NUDT11: variants seen among roughly 807,000 people sequenced by gnomAD.
The protein encoded by NUDT11 is nudix hydrolase 11.
NUDT11 carries 1 observed loss-of-function variant against 10.0 expected under a neutral mutation model. The ratio of observed to expected loss-of-function variants is 0.10; its 90% CI spans 0.04 to 0.47. NUDT11 has a LOEUF of 0.47. Ranked by LOEUF, NUDT11 falls within the 20% of genes least tolerant of loss-of-function variation. NUDT11 has a pLI of 0.96. For missense variants in NUDT11, 47 were observed against 140.4 expected (o/e 0.33, Z 3.36); for synonymous variants, 63 against 65.9 (o/e 0.96, Z 0.21).
At chrX:51,493,300 C>G (rs1458997453) in intron 1 of NUDT11, among the ~76,000 whole-genome samples, 1 of 112,186 alleles carries the variant, frequency 8.9e-6, no homozygotes, top group Admixed American at 9.5e-5. Flanking sequence ...TCTGTGTACT[C>G]TTTTTCCTTT....
chrX:51,495,338 A>T (rs1349407767), intron 1 of NUDT11, among the ~76,000 whole-genome samples: 8 of 111,823 alleles, frequency 7.2e-5, no homozygotes, highest in African/African-American at 1.3e-4. Context: ...CCCAATTTTT[A>T]AAAAAATTCA....
chrX:51,494,406 G>A (rs1362856453), intron 1 of NUDT11, among the ~76,000 whole-genome samples: 1 of 111,977 alleles, frequency 8.9e-6, no homozygotes, highest in Non-Finnish European at 1.9e-5. Flanking sequence ...AATATTTTGA[G>A]AAACAGATTT....
Position 51,496,004 on chromosome X carries a change from A to C in NUDT11, c.441T>G (p.Gly147=), listed in dbSNP as rs1925698591. ...CCATGGAGTTTCCATTGGTTGGGGA[A>C]CCGCCCAGCTTTAGTTTCTCCAGAT... ...AEYLEKLKLG[G]SPTNGNSMAP... is the part of the protein sequence containing the mutation. Residue 147 remains glycine, a synonymous_variant, in exon 1 of 2, where the codon GGT becomes GGG. Transcript: ENST00000375992. 1 of 1,207,573 alleles carries C rather than the reference A, an allele frequency of 8.3e-7. No individual in the cohort carries two copies. The highest frequency in any genetic ancestry group is 1.1e-6 in the Non-Finnish European group (1 of 892,732).
chrX:51,491,401 T>C lies in NUDT11; in HGVS notation c.*348A>G. 5.0e-6 allele frequency: 1 copy of C among 201,841 alleles called. No homozygotes were observed. The highest frequency in any genetic ancestry group is 9.1e-6 in the Non-Finnish European group (1 of 110,417). 16.6% of individuals were successfully genotyped at this position (201,841 alleles called of 1,213,427 possible). A position where few individuals can be genotyped will look rare whatever the true frequency, so the allele number is the denominator to read the frequency against. On this transcript the variant is annotated 3_prime_UTR_variant, in exon 2 of 2. Coordinates refer to ENST00000375992, the MANE Select transcript of NUDT11 (RefSeq NM_018159.4). Reference sequence around the variant, plus strand: ...AATTGAATCAAAGAACCTTCAGTGATGCCAACCATATTTCAAGTAGTGTCT... The same window carrying C: ...AATTGAATCAAAGAACCTTCAGTGACGCCAACCATATTTCAAGTAGTGTCT...
chrX:51,491,448 G>A lies in NUDT11; in HGVS notation c.*301C>T. The A allele has an allele frequency of 3.7e-6, 1 of 273,740 alleles. No homozygotes were observed. 22.6% of individuals were successfully genotyped at this position (273,740 alleles called of 1,213,427 possible). On this transcript the variant is annotated 3_prime_UTR_variant, in exon 2 of 2. Transcript: ENST00000375992. ...GTCTCAGATGCAGAATATGCAAAGA[G>A]TAAGGAAAAATAGTCTTTGCTCTCA...
rs1557326092 is a variant in NUDT11 at position 51,490,526 on chromosome X, G to A, written c.*1223C>T. 2.7e-5 allele frequency: 3 copies of A among 112,046 alleles called. No individual in the cohort carries two copies. The highest frequency in any genetic ancestry group is 9.5e-5 in the Admixed American group (1 of 10,564). The allele number at this position is 112,046 out of a possible 1,213,427, so 9.2% of individuals were successfully genotyped here. ...TATCACACATCCCATGGCAAACTCC[G>A]TAAGATTTCTTCTAAACATCTTTGT... is the stretch of plus-strand genomic sequence containing the variant. On this transcript the variant is annotated 3_prime_UTR_variant, in exon 2 of 2. Coordinates refer to ENST00000375992, the MANE Select transcript of NUDT11 (RefSeq NM_018159.4).
Position 51,496,400 on chromosome X carries a change from C to T in NUDT11, c.45G>A (p.Gly15=), listed in dbSNP as rs782145345. ...PNQTRTYDPE[G]FKKRAACLCF... is the part of the protein sequence containing the mutation. ...ACAGGCACGCCGCCCGCTTCTTGAA[C>T]CCCTCGGGGTCGTAGGTCCGCGTCT... The change falls in exon 1 of 2, where the codon GGG becomes GGA. Residue 15 remains glycine (G), a synonymous_variant. Coordinates refer to ENST00000375992, the MANE Select transcript of NUDT11 (RefSeq NM_018159.4). The T allele has an allele frequency of 3.3e-6, 4 of 1,209,816 alleles. No individual in the cohort carries two copies. In the South Asian group the frequency reaches 7.1e-5, roughly 21 times the overall value.
chrX:51,495,290 G>C (rs1925675187), intron 1 of NUDT11, among the ~76,000 whole-genome samples: 1 of 111,800 alleles, frequency 8.9e-6, no homozygotes, highest in Non-Finnish European at 1.9e-5. Context: ...AAGCTAAAGT[G>C]ACTGTAGAGT....
At chrX:51,495,270 C>A (rs1557326534) in intron 1 of NUDT11, among the ~76,000 whole-genome samples, 1 of 111,562 alleles carries the variant, frequency 9.0e-6, no homozygotes, top group Non-Finnish European at 1.9e-5. Flanking sequence ...CAAATGAGAT[C>A]CCATTTCAGA....
chrX:51,495,944 T>C lies in NUDT11; in HGVS notation c.494+7A>G. ...TAGAAGTCTGCGCGAGCGCAAGCGGTACATACTAGGGATCGCTATCTGGCG... is the reference window on the plus strand; with the variant it reads ...TAGAAGTCTGCGCGAGCGCAAGCGGCACATACTAGGGATCGCTATCTGGCG... On this transcript the variant is annotated splice_region_variant and intron_variant, in intron 1 of 1. Coordinates refer to ENST00000375992, the MANE Select transcript of NUDT11 (RefSeq NM_018159.4). 1 of 1,207,938 alleles carries C rather than the reference T, an allele frequency of 8.3e-7. No homozygotes were observed. The highest frequency in any genetic ancestry group is 1.8e-5 in the South Asian group (1 of 56,512).
chrX:51,495,870 G>A (rs1925691862), intron 1 of NUDT11, 81 bp downstream of exon 1: 2 of 1,158,190 alleles, frequency 1.7e-6, no homozygotes, highest in Admixed American at 2.5e-5. Context: ...GACCGCACAT[G>A]GCACGAGAGG....
At chrX:51,493,441 G>T (rs1238959656) in intron 1 of NUDT11, among the ~76,000 whole-genome samples, 1 of 111,896 alleles carries the variant, frequency 8.9e-6, no homozygotes, top group Non-Finnish European at 1.9e-5. Flanking sequence ...TTGGAGCACT[G>T]AAGTGGCAGA....
chrX:51,496,073 A>G lies in NUDT11; in HGVS notation c.372T>C (p.Asp124=), dbSNP rs782709962. 7.4e-6 allele frequency: 9 copies of G among 1,211,135 alleles called. No individual in the cohort carries two copies. Among genetic ancestry groups the G allele is most frequent in the Non-Finnish European group, 1.0e-5 (9 of 895,006 alleles). Reference sequence around the variant, plus strand: ...TGTGGCACTGGAGAACCTTGATGGCATCTTCGACTTTGAACCACTCTCGCT... The same window carrying G: ...TGTGGCACTGGAGAACCTTGATGGCGTCTTCGACTTTGAACCACTCTCGCT... ...GRKREWFKVE[D]AIKVLQCHKP... is the part of the protein sequence containing the mutation. Residue 124 remains aspartate (D), a synonymous_variant, in exon 1 of 2, where the codon GAT becomes GAC. Coordinates refer to ENST00000375992, the MANE Select transcript of NUDT11 (RefSeq NM_018159.4).
rs1451390683 is a variant in NUDT11, at chrX:51,496,512, T to C, written c.-68A>G. ...CTGCTGTGTGGGCCGCCGCTGCCGC[T>C]GCCGCCGCCGGGGAACAGCCGAGGT... On this transcript the variant is annotated 5_prime_UTR_variant, in exon 1 of 2. Coordinates refer to ENST00000375992, the MANE Select transcript of NUDT11 (RefSeq NM_018159.4). 2.2e-5 allele frequency: 26 copies of C among 1,182,047 alleles called. No individual in the cohort carries two copies. Among genetic ancestry groups the C allele is most frequent in the Admixed American group, 4.6e-5 (2 of 43,592 alleles).
intron 1 of NUDT11, among the ~76,000 whole-genome samples, chrX:51,493,638 C>T (rs1315441918): frequency 9.0e-6 from 1 of 111,238 alleles, no homozygotes; most frequent in East Asian, 2.8e-4. Context: ...ATCTCCTTGG[C>T]GCTCTTAACT....
At chrX:51,491,797 C>T (rs1557326208) in intron 1 of NUDT11, 48 bp from the exon 2 acceptor site, 2 of 570,431 alleles carry the variant, frequency 3.5e-6, no homozygotes, top group Admixed American at 2.2e-5. Flanking sequence ...GTTAATAATT[C>T]CTCCAACTGA....
intron 1 of NUDT11, among the ~76,000 whole-genome samples, chrX:51,491,980 T>G (rs971964567): frequency 2.7e-5 from 3 of 112,189 alleles, no homozygotes; most frequent in Middle Eastern, 4.6e-3. Flanking sequence ...ATCAGAAGTT[T>G]TGTAAAAGAG....
At chrX:51,495,914 A>G in intron 1 of NUDT11, 37 bp downstream of exon 1, 1 of 1,201,484 alleles carries the variant, frequency 8.3e-7, no homozygotes, top group Non-Finnish European at 1.1e-6. Flanking sequence ...AGCGAGGCAG[A>G]CAAATAGAAG....
At position 51,496,543 on chromosome X, in the gene NUDT11, G is replaced by A. The variant is rs1302120455; in HGVS notation, c.-99C>T. The A allele has an allele frequency of 8.8e-7, 1 of 1,139,304 alleles. No individual in the cohort carries two copies. Among genetic ancestry groups the A allele is most frequent in the Non-Finnish European group, 1.2e-6 (1 of 855,012 alleles). 93.9% of individuals were successfully genotyped at this position (1,139,304 alleles called of 1,213,427 possible). ...CGCCGGGGAACAGCCGAGGTGCTGGGAAGAGAAAGGGCCGAGGCGAGGGGC... is the reference window on the plus strand; with the variant it reads ...CGCCGGGGAACAGCCGAGGTGCTGGAAAGAGAAAGGGCCGAGGCGAGGGGC... On this transcript the variant is annotated 5_prime_UTR_variant, in exon 1 of 2. Transcript: ENST00000375992.
Sources: allele counts gnomAD v4.1 joint callset (sites outside exome capture counted in the v4.1 genomes callset), GRCh38; gene constraint gnomAD v4.1.1; transcripts MANE v1.5; gene names NCBI Gene and HGNC (gene_info 2026-07-23, HGNC 2026-07-21).